The following P4HA1 variants were observed in gnomAD, a reference collection of about 807,000 sequenced individuals.
The protein encoded by P4HA1 is prolyl 4-hydroxylase subunit alpha-1.
A neutral mutation model predicts 72.8 loss-of-function variants in P4HA1; 24 were observed. The observed-to-expected ratio is 0.33, with a 90% CI of 0.24 to 0.46. P4HA1 has a LOEUF of 0.46. P4HA1 is among the 20% of genes least tolerant of loss of function. The pLI is 1.00. For synonymous variants in P4HA1, 201 were observed against 218.8 expected (o/e 0.92, Z 0.72); for missense variants, 446 against 640.6 (o/e 0.70, Z 3.28).
At chr10:73,085,181 T>A (rs950839622) in intron 1 of P4HA1, among the ~76,000 whole-genome samples, 1 of 152,108 alleles carries the variant, frequency 6.6e-6, no homozygotes. Flanking sequence ...GATTAGGCAA[T>A]TAATCATAAC....
At chr10:73,051,359 T>G in intron 6 of P4HA1, 110 bp from the exon 7 acceptor site, 1 of 642,954 alleles carries the variant, frequency 1.6e-6, no homozygotes, top group Non-Finnish European at 2.6e-6. Context: ...CCAAACCAGG[T>G]TGCTGTTGTG....
chr10:73,010,131 G>A (rs1452095270), intron 13 of P4HA1, among the ~76,000 whole-genome samples: 1 of 152,060 alleles, frequency 6.6e-6, no homozygotes, highest in East Asian at 1.9e-4. Context: ...ACCAGGCCTG[G>A]CTAATTTTGT....
At chr10:73,036,543 T>C (rs929078746) in intron 9 of P4HA1, among the ~76,000 whole-genome samples, 1 of 151,996 alleles carries the variant, frequency 6.6e-6, no homozygotes, top group Non-Finnish European at 1.5e-5. Flanking sequence ...ACTACAAGCA[T>C]GCACCACCAC....
At chr10:73,043,365 C>G (rs1840781653) in intron 9 of P4HA1, among the ~76,000 whole-genome samples, 1 of 152,216 alleles carries the variant, frequency 6.6e-6, no homozygotes, top group Non-Finnish European at 1.5e-5. Flanking sequence ...GTAATACTGT[C>G]ACCCAATTCT....
At chr10:73,079,919 A>G (rs1564636834) in intron 1 of P4HA1, among the ~76,000 whole-genome samples, 1 of 152,136 alleles carries the variant, frequency 6.6e-6, no homozygotes, top group Non-Finnish European at 1.5e-5. Flanking sequence ...TCTCATTAAC[A>G]TAACGGTTGA....
chr10:73,076,204 C>T (rs1431343946), intron 1 of P4HA1, among the ~76,000 whole-genome samples: 1 of 152,074 alleles, frequency 6.6e-6, no homozygotes, highest in African/African-American at 2.4e-5. Context: ...AATTATATTG[C>T]AATGACACTG....
rs199907045 is a variant in P4HA1 at position 73,007,359 on chromosome 10, C to A, written c.*863G>T. 2.6e-5 allele frequency: 4 copies of A among 152,544 alleles called. No homozygotes were observed. The highest frequency in any genetic ancestry group is 6.5e-5 in the Admixed American group (1 of 15,272). The allele number at this position is 152,544 out of a possible 1,614,324, so 9.4% of individuals were successfully genotyped here. A position where few individuals can be genotyped will look rare whatever the true frequency, so the allele number is the denominator to read the frequency against. On this transcript the variant is annotated 3_prime_UTR_variant, in exon 15 of 15. Coordinates refer to ENST00000394890, the MANE Select transcript of P4HA1 (RefSeq NM_001017962.3). ...TCCCTCATCACTGAAAGGACTTGTA[C>A]ATTTTTAAACTTCCAGTCTCCTAAG...
At chr10:73,012,246 TGCTCAACCTCTCTAATAA>T (rs1839922543) in intron 12 of P4HA1, among the ~76,000 whole-genome samples, 1 of 152,200 alleles carries the variant, frequency 6.6e-6, no homozygotes, top group South Asian at 2.1e-4. Context: ...TCTGAAAAGA[TGCTCAACCTCTCTAATAA>T]GAGAAATGCA....
rs147621946 is a variant in P4HA1, at chr10:73,062,890, T to A, written c.463+5956A>T. 6.5e-3 allele frequency among the ~76,000 whole-genome samples: 990 copies of A among 151,948 alleles called. 17 individuals are homozygous for A. Among genetic ancestry groups the A allele is most frequent in the African/African-American group, 0.022 (920 of 41,400 alleles). ...TGTTGAATTCCAGTATCAAACAGAG[T>A]CCAAGCTTGGAGGTGTATGCACTGG... On this transcript the variant is annotated intron_variant, in intron 5 of 14. Transcript: ENST00000394890.
intron 1 of P4HA1, among the ~76,000 whole-genome samples, chr10:73,093,541 T>C (rs945747300): frequency 6.6e-6 from 1 of 151,798 alleles, no homozygotes; most frequent in Non-Finnish European, 1.5e-5. Flanking sequence ...TTTTCTTGAA[T>C]AGAAACACAA....
intron 9 of P4HA1, chr10:73,043,983 A>G (rs747101596): frequency 1.3e-6 from 2 of 1,575,908 alleles, no homozygotes; most frequent in East Asian, 4.5e-5. Context: ...AAGGACAAGG[A>G]CTTACTCCAG....
intron 1 of P4HA1, among the ~76,000 whole-genome samples, chr10:73,080,522 G>T (rs1475232881): frequency 6.6e-6 from 1 of 152,222 alleles, no homozygotes; most frequent in East Asian, 1.9e-4. Flanking sequence ...TTACTCTAGA[G>T]AATGGTTCTC....
chr10:73,026,010 C>T (rs1278841512), intron 10 of P4HA1, among the ~76,000 whole-genome samples: 5 of 152,142 alleles, frequency 3.3e-5, no homozygotes, highest in African/African-American at 7.2e-5. Context: ...GAATCAATAT[C>T]GTGAAAATGG....
Position 73,046,998 on chromosome 10 carries a change from G to A in P4HA1, c.1004C>T (p.Pro335Leu). ...AATATCATGGAAGCGAATAATACGA[G>A]GCTTGTCCCATTCATCCTCCTGTTT... ...PAKQEDEWDK[P>L]RIIRFHDIIS... Residue 335 changes from proline to leucine, a missense_variant, in exon 8 of 15, where the codon CCT (proline) becomes CTT (leucine). By Grantham distance (98) the Pro-to-Leu change is moderately conservative (BLOSUM62 -3). Transcript: ENST00000394890. The A allele has an allele frequency of 6.2e-7, 1 of 1,613,008 alleles. No homozygotes were observed. The highest frequency in any genetic ancestry group is 8.5e-7 in the Non-Finnish European group (1 of 1,179,098).
At chr10:73,072,207 A>C in intron 3 of P4HA1, 27 bp from the exon 4 acceptor site, 1 of 1,561,602 alleles carries the variant, frequency 6.4e-7, no homozygotes, top group Non-Finnish European at 8.7e-7. Context: ...TAAAAACTGA[A>C]TATTTATATT....
intron 5 of P4HA1, chr10:73,065,543 C>A (rs1841400744): frequency 6.6e-6 from 1 of 152,098 alleles, no homozygotes; most frequent in African/African-American, 2.4e-5. Context: ...TCCTCCCTCA[C>A]CCCCACCATT....
intron 10 of P4HA1, among the ~76,000 whole-genome samples, chr10:73,028,345 C>CACACACACAA (rs34854861): frequency 1.0e-4 from 15 of 146,048 alleles, no homozygotes; most frequent in African/African-American, 3.6e-4. Flanking sequence ...CACACACACA[C>CACACACACAA]AAAATACATT....
At chr10:73,068,426 T>C (rs756417454) in intron 5 of P4HA1, among the ~76,000 whole-genome samples, 3 of 152,204 alleles carry the variant, frequency 2.0e-5, no homozygotes, top group Non-Finnish European at 2.9e-5. Context: ...TTCCATACTA[T>C]GGAACACTTT....
At chr10:73,075,742 A>ATAGTGT (rs1554842582) in intron 1 of P4HA1, among the ~76,000 whole-genome samples, 4 of 147,802 alleles carry the variant, frequency 2.7e-5, no homozygotes, top group African/African-American at 1.0e-4. Context: ...ATATATATAT[A>ATAGTGT]GTGTGTGTGT....
Sources: allele counts gnomAD v4.1 joint callset (sites outside exome capture counted in the v4.1 genomes callset), GRCh38; gene constraint gnomAD v4.1.1; transcripts MANE v1.5; gene names NCBI Gene and HGNC (gene_info 2026-07-23, HGNC 2026-07-21).